The following FOXP1 variants were observed in gnomAD, a reference collection of about 807,000 sequenced individuals.
FOXP1 encodes forkhead box P1, also known as forkhead box protein P1.
In FOXP1, 15 loss-of-function variants were observed where a neutral mutation model predicts 98.2. The observed-to-expected ratio is 0.15, with a 90% CI of 0.10 to 0.24. FOXP1 has a LOEUF of 0.24. Among genes scored for constraint, FOXP1 ranks in the 10% least tolerant of loss-of-function variants. The pLI, the probability that FOXP1 is intolerant of heterozygous loss-of-function variation, is 1.00. For synonymous variants in FOXP1, 371 were observed against 314.5 expected (o/e 1.18, Z -1.90); for missense variants, 633 against 848.5 (o/e 0.75, Z 3.15).
intron 6 of FOXP1, among the ~76,000 whole-genome samples, chr3:71,177,327 G>A (rs1238942185): frequency 1.3e-5 from 2 of 152,214 alleles, no homozygotes; most frequent in Admixed American, 1.3e-4. Context: ...AAATAGGAGA[G>A]GGTGGAAATG....
intron 6 of FOXP1, among the ~76,000 whole-genome samples, chr3:71,173,874 G>C (rs773894450): frequency 6.6e-6 from 1 of 152,192 alleles, no homozygotes; most frequent in Non-Finnish European, 1.5e-5. Context: ...ACCAACCATG[G>C]TGGGAAGGAT....
chr3:71,187,117 A>T (rs945080919), intron 6 of FOXP1, among the ~76,000 whole-genome samples: 2 of 152,258 alleles, frequency 1.3e-5, no homozygotes, highest in African/African-American at 4.8e-5. Flanking sequence ...CCTTATACCT[A>T]GCCCCTACTC....
At chr3:71,160,135 G>A (rs987551838) in intron 6 of FOXP1, among the ~76,000 whole-genome samples, 2 of 152,160 alleles carry the variant, frequency 1.3e-5, no homozygotes, top group African/African-American at 4.8e-5. Flanking sequence ...TCCTCACCAC[G>A]CTGTTCTTGC....
chr3:71,048,116 AC>A (rs1218721471), intron 9 of FOXP1, among the ~76,000 whole-genome samples: 1 of 151,956 alleles, frequency 6.6e-6, no homozygotes, highest in African/African-American at 2.4e-5. Context: ...TAAAAGGAAA[AC>A]TAACCCTTCC....
chr3:71,162,941 C>T (rs745638604), intron 6 of FOXP1, among the ~76,000 whole-genome samples: 6 of 152,110 alleles, frequency 3.9e-5, no homozygotes, highest in Non-Finnish European at 7.4e-5. Context: ...TTCCAAGTAC[C>T]ATCATATGTC....
chr3:71,334,543 C>G (rs2076554124), intron 4 of FOXP1: 1 of 152,132 alleles, frequency 6.6e-6, no homozygotes, highest in Non-Finnish European at 1.5e-5. Flanking sequence ...CAAAAGGACC[C>G]TGGACACTGA....
intron 2 of FOXP1, among the ~76,000 whole-genome samples, chr3:71,561,056 TTTTG>T (rs1349988431): frequency 3.3e-5 from 5 of 152,090 alleles, no homozygotes; most frequent in Non-Finnish European, 5.9e-5. Flanking sequence ...TTGTGTACTT[TTTTG>T]TTTGTTTGTC....
intron 2 of FOXP1, among the ~76,000 whole-genome samples, chr3:71,515,950 G>A (rs1177301003): frequency 6.6e-6 from 1 of 152,148 alleles, no homozygotes. Flanking sequence ...TTAGAAGAAT[G>A]GCCAGTGTCG....
chr3:71,472,405 G>A lies in FOXP1; in HGVS notation c.-168+21021C>T, dbSNP rs546456163. ...AATCTTATGGGTCCGAGAGGATTCA[G>A]TAGAAGTTCTGAAAATATGTAAAAT... On this transcript the variant is annotated intron_variant, in intron 3 of 20. Coordinates refer to ENST00000649528, the MANE Select transcript of FOXP1 (RefSeq NM_001349338.3). Among the ~76,000 whole-genome samples, 129 of 151,678 alleles carry A rather than the reference G, an allele frequency of 8.5e-4. 1 individual carries two copies. The highest frequency in any genetic ancestry group is 1.7e-3 in the Non-Finnish European group (115 of 67,926).
chr3:71,186,300 C>T (rs2062640099), intron 6 of FOXP1, among the ~76,000 whole-genome samples: 1 of 152,152 alleles, frequency 6.6e-6, no homozygotes, highest in Non-Finnish European at 1.5e-5. Context: ...CCAATAACGT[C>T]AAAACTTTTA....
chr3:71,484,839 A>G (rs1284627896), intron 3 of FOXP1, among the ~76,000 whole-genome samples: 1 of 152,186 alleles, frequency 6.6e-6, no homozygotes, highest in Middle Eastern at 3.2e-3. Context: ...GTGGAGGTAA[A>G]GAAGAAAATC....
At chr3:71,555,745 A>C (rs2046079915) in intron 2 of FOXP1, among the ~76,000 whole-genome samples, 2 of 152,238 alleles carry the variant, frequency 1.3e-5, no homozygotes, top group Admixed American at 1.3e-4. Context: ...AATAAGCCCT[A>C]CATTAAAATT....
intron 6 of FOXP1, among the ~76,000 whole-genome samples, chr3:71,170,727 G>C (rs551575895): frequency 1.3e-4 from 20 of 152,020 alleles, no homozygotes; most frequent in Non-Finnish European, 1.8e-4. Flanking sequence ...TATTTGTTTC[G>C]CATAAGCTGT....
rs1259615860 is a variant in FOXP1 at position 71,193,182 on chromosome 3, C to T, written c.180+5020G>A. On this transcript the variant is annotated intron_variant, in intron 6 of 20. Coordinates refer to ENST00000649528, the MANE Select transcript of FOXP1 (RefSeq NM_001349338.3). ...TTTTTTTTTGAGACGGAGTCTTGCT[C>T]TGTTGCCCAGGCTGGAGTGCAGTGG... is the stretch of plus-strand genomic sequence containing the variant. Among the ~76,000 whole-genome samples the T allele has an allele frequency of 1.7e-3, 248 of 145,022 alleles. 1 individual carries two copies. Among genetic ancestry groups the T allele is most frequent in the African/African-American group, 5.8e-3 (213 of 36,990 alleles).
Position 70,958,819 on chromosome 3 carries a change from A to C in FOXP1, c.*428T>G. ...GCAGTACTGTGCAAATAGGTCGTCC[A>C]TTGGAATCCTTAAATTCTGGGCAAA... On this transcript the variant is annotated 3_prime_UTR_variant, in exon 21 of 21. Transcript: ENST00000649528. 2.9e-6 allele frequency: 1 copy of C among 339,460 alleles called. No individual in the cohort carries two copies. Among genetic ancestry groups the C allele is most frequent in the South Asian group, 3.8e-5 (1 of 26,038 alleles). 21.0% of individuals were successfully genotyped at this position (339,460 alleles called of 1,614,324 possible).
chr3:71,157,050 T>G (rs985558592), intron 6 of FOXP1, among the ~76,000 whole-genome samples: 24 of 151,812 alleles, frequency 1.6e-4, no homozygotes, highest in African/African-American at 5.8e-4. Context: ...CACAAGAGAG[T>G]GGAGGAGCAT....
intron 11 of FOXP1, among the ~76,000 whole-genome samples, chr3:71,034,845 C>T (rs914994780): frequency 6.6e-6 from 1 of 152,160 alleles, no homozygotes; most frequent in Non-Finnish European, 1.5e-5. Flanking sequence ...GATTTCTACT[C>T]TGTTGGCTCA....
chr3:71,147,862 A>G (rs893765523), intron 6 of FOXP1, among the ~76,000 whole-genome samples: 1 of 152,244 alleles, frequency 6.6e-6, no homozygotes, highest in Non-Finnish European at 1.5e-5. Context: ...GTAATTACGA[A>G]AAATTTAGGA....
intron 5 of FOXP1, among the ~76,000 whole-genome samples, chr3:71,281,942 CA>C (rs34561352): frequency 1.0e-3 from 143 of 137,700 alleles, no homozygotes; most frequent in Middle Eastern, 7.6e-3. Flanking sequence ...ACTAAAAATA[CA>C]AAAAAAAAAA....
Sources: allele counts gnomAD v4.1 joint callset (sites outside exome capture counted in the v4.1 genomes callset), GRCh38; gene constraint gnomAD v4.1.1; transcripts MANE v1.5; gene names NCBI Gene and HGNC (gene_info 2026-07-23, HGNC 2026-07-21).